ZNF26: variants seen among roughly 807,000 people sequenced by gnomAD.
ZNF26 encodes zinc finger protein 26.
Under a neutral mutation model 54.9 loss-of-function variants are expected in ZNF26, and 32 were observed. The ratio of observed to expected loss-of-function variants is 0.58; its 90% CI spans 0.44 to 0.78. The LOEUF (loss-of-function observed/expected upper bound fraction) is 0.78. Among genes scored for constraint, ZNF26 ranks in the 30% least tolerant of loss-of-function variants. ZNF26 has a pLI of 0.00. For missense variants in ZNF26, 524 were observed against 634.0 expected (o/e 0.83, Z 1.86); for synonymous variants, 221 against 209.2 (o/e 1.06, Z -0.49).
chr12:133,023,055 A>G lies in ZNF26; in HGVS notation c.*11574A>G, dbSNP rs1471559497. 1 of 152,228 alleles carries G rather than the reference A, an allele frequency of 6.6e-6. No homozygotes were observed. The highest frequency in any genetic ancestry group is 1.5e-5 in the Non-Finnish European group (1 of 68,036). 9.4% of individuals were successfully genotyped at this position (152,228 alleles called of 1,614,324 possible). ...TTTTAATTTTCTGTTTGGGTGAAAG[A>G]TTCAAGAGCATTCGTGAGAATGTAC... is the stretch of plus-strand genomic sequence containing the variant. On this transcript the variant is annotated 3_prime_UTR_variant, in exon 4 of 4. Coordinates refer to ENST00000328654, the MANE Select transcript of ZNF26 (RefSeq NM_019591.4).
chr12:133,019,671 C>T lies in ZNF26; in HGVS notation c.*8190C>T, dbSNP rs1953613246. ...AGAACAGTATGGAGGCTCCTCAAAG[C>T]AACTGAAAATAGAACTATTATACGA... On this transcript the variant is annotated 3_prime_UTR_variant, in exon 4 of 4. Transcript: ENST00000328654. The T allele has an allele frequency of 6.6e-6, 1 of 152,136 alleles. No homozygotes were observed. Among genetic ancestry groups the T allele is most frequent in the Non-Finnish European group, 1.5e-5 (1 of 68,056 alleles). The allele number at this position is 152,136 out of a possible 1,614,324, so 9.4% of individuals were successfully genotyped here.
chr12:132,997,257 C>A (rs1265281898), intron 1 of ZNF26, among the ~76,000 whole-genome samples: 2 of 152,110 alleles, frequency 1.3e-5, no homozygotes, highest in East Asian at 3.9e-4. Context: ...AGGGGTTAAT[C>A]AGAAGCTCAC....
At chr12:132,987,666 C>T in intron 1 of ZNF26, 2 of 983,592 alleles carry the variant, frequency 2.0e-6, no homozygotes, top group Non-Finnish European at 2.4e-6. Flanking sequence ...GTATTTCAGC[C>T]TGTAACTCAC....
At chr12:132,991,179 A>G (rs1173815549) in intron 1 of ZNF26, among the ~76,000 whole-genome samples, 1 of 151,252 alleles carries the variant, frequency 6.6e-6, no homozygotes, top group Non-Finnish European at 1.5e-5. Context: ...TTTTGAACAG[A>G]CTAGGTCAAC....
Position 133,010,704 on chromosome 12 carries a change from A to C in ZNF26, c.825A>C (p.Leu275Phe). 9 of 1,613,546 alleles carry C rather than the reference A, an allele frequency of 5.6e-6. No individual in the cohort carries two copies. The highest frequency in any genetic ancestry group is 1.7e-5 in the Admixed American group (1 of 59,990). The change falls in exon 4 of 4, where the codon TTA (leucine) becomes TTC (phenylalanine). Residue 275 changes from leucine (L) to phenylalanine (F), a missense_variant. Leu to Phe is a conservative substitution (Grantham distance 22). Coordinates refer to ENST00000328654, the MANE Select transcript of ZNF26 (RefSeq NM_019591.4). ...ACAGTTGGAAATCACAGCTTCTTTT[A>C]CACCAGAGAAGTCACACAGGAGTGA... ...KAYSWKSQLL[L>F]HQRSHTGVKP...
intron 1 of ZNF26, among the ~76,000 whole-genome samples, chr12:132,992,879 TC>T (rs1467577259): frequency 6.9e-6 from 1 of 145,926 alleles, no homozygotes; most frequent in Non-Finnish European, 1.5e-5. Flanking sequence ...TTTTTTTTTT[TC>T]CCCAGTGTTC....
rs982381860 is a variant in ZNF26, at chr12:133,001,258, C to T, written c.34-5784C>T. ...CACAGCCTTGTTTGTTATTGACTCTCAGTTACTTTCAGGTATGGGAAAGTT... is the reference window on the plus strand; with the variant it reads ...CACAGCCTTGTTTGTTATTGACTCTTAGTTACTTTCAGGTATGGGAAAGTT... On this transcript the variant is annotated intron_variant, in intron 1 of 3. Transcript: ENST00000328654. This position sits in a 1 kb window ranked among gnomAD's most constrained non-coding sequence, Gnocchi z 4.7. 4.2e-4 allele frequency among the ~76,000 whole-genome samples: 64 copies of T among 152,270 alleles called. No homozygotes were observed. The Middle Eastern group carries it at 0.01, about 24-fold the overall frequency.
chr12:133,009,560 C>G (rs949350296), intron 3 of ZNF26, among the ~76,000 whole-genome samples: 16 of 151,856 alleles, frequency 1.1e-4, no homozygotes, highest in Admixed American at 8.5e-4. Flanking sequence ...CCACTGCACT[C>G]CAGCCTGAGT....
Position 133,008,973 on chromosome 12 carries a change from C to T in ZNF26, c.257-1163C>T, listed in dbSNP as rs918673828. Among the ~76,000 whole-genome samples the T allele has an allele frequency of 3.3e-5, 5 of 151,880 alleles. No homozygotes were observed. The East Asian group carries it at 5.9e-4, about 18-fold the overall frequency. ...TGGTGAAAGCAGGAGTAAGGCGGGG[C>T]GGGGAATGTGCCACATACTATCAAA... On this transcript the variant is annotated intron_variant, in intron 3 of 3. Coordinates refer to ENST00000328654, the MANE Select transcript of ZNF26 (RefSeq NM_019591.4).
rs1268715018 is a variant in ZNF26 at position 133,007,443 on chromosome 12, A to G, written c.167A>G (p.His56Arg). 6.2e-7 allele frequency: 1 copy of G among 1,613,010 alleles called. No individual in the cohort carries two copies. The highest frequency in any genetic ancestry group is 8.5e-7 in the Non-Finnish European group (1 of 1,179,322). ...TGTGATTTCCCATCAACAGGGTATC[A>G]TGGTACCAAGCCTGACTTAATCTTC... ...NYHNLISVGY[H>R]GTKPDLIFKL... is the part of the protein sequence containing the mutation. The change falls in exon 3 of 4, where the codon CAT becomes CGT. Residue 56 changes from histidine to arginine, a missense_variant. Physicochemically the swap from His to Arg is conservative, Grantham distance 29 (BLOSUM62 0). Coordinates refer to ENST00000328654, the MANE Select transcript of ZNF26 (RefSeq NM_019591.4).
chr12:132,986,793 G>GC lies in ZNF26; in HGVS notation c.-45dup, dbSNP rs756987949. The GC allele has an allele frequency of 0.011, 17,426 of 1,572,200 alleles. 132 individuals carry two copies. The highest frequency in any genetic ancestry group is 0.013 in the Middle Eastern group (80 of 6,002). On this transcript the variant is annotated 5_prime_UTR_variant, in exon 1 of 4. Transcript: ENST00000328654. Reference sequence around the variant, plus strand: ...ACGCATCCCTCACGGTCTCTCCGCAGCCCGCGGGTCCTGCCCCCGCAGGCA... The same window carrying GC: ...ACGCATCCCTCACGGTCTCTCCGCAGCCCCGCGGGTCCTGCCCCCGCAGGCA...
intron 1 of ZNF26, among the ~76,000 whole-genome samples, chr12:133,002,743 C>T (rs1439537973): frequency 6.6e-6 from 1 of 152,034 alleles, no homozygotes; most frequent in African/African-American, 2.4e-5. Flanking sequence ...CCTGTCTCAG[C>T]CTCCTGAGTA....
chr12:133,009,691 C>T (rs1953426742), intron 3 of ZNF26, among the ~76,000 whole-genome samples: 1 of 152,042 alleles, frequency 6.6e-6, no homozygotes, highest in Admixed American at 6.6e-5. Flanking sequence ...TTTTAGCTTT[C>T]CTGGCCTTTT....
chr12:133,009,627 T>A (rs1053508755), intron 3 of ZNF26, among the ~76,000 whole-genome samples: 3 of 152,286 alleles, frequency 2.0e-5, no homozygotes, highest in Non-Finnish European at 4.4e-5. Context: ...TGAACAACTT[T>A]TTGCCATGGA....
At chr12:133,008,057 C>T (rs61195898) in intron 3 of ZNF26, among the ~76,000 whole-genome samples, 17,425 of 152,000 alleles carry the variant, frequency 0.11, 1,140 homozygotes, top group South Asian at 0.21. Context: ...CTCTCCTCTC[C>T]GAATGTTGTA....
chr12:133,007,736 G>A (rs911518723), intron 3 of ZNF26, among the ~76,000 whole-genome samples: 1 of 152,172 alleles, frequency 6.6e-6, no homozygotes, highest in African/African-American at 2.4e-5. Context: ...CCCCCTTACT[G>A]TTGAGAGGCA....
rs1944393886 is a variant in ZNF26, at chr12:133,019,707, C to G, written c.*8226C>G. On this transcript the variant is annotated 3_prime_UTR_variant, in exon 4 of 4. Transcript: ENST00000328654. ...AGAACTATTATACGATCCAGCAACC[C>G]CACTACTGGGTGAAAAGCCAAAAGA... is the stretch of plus-strand genomic sequence containing the variant. 6.6e-6 allele frequency: 1 copy of G among 152,272 alleles called. No homozygotes were observed. Among genetic ancestry groups the G allele is most frequent in the African/African-American group, 2.4e-5 (1 of 41,436 alleles). 9.4% of individuals were successfully genotyped at this position (152,272 alleles called of 1,614,324 possible).
In ZNF26 at chr12:133,026,934, A is replaced by G. The variant is rs1426488515; in HGVS notation, c.*15453A>G. On this transcript the variant is annotated 3_prime_UTR_variant, in exon 4 of 4. Transcript: ENST00000328654. ...AAATAGAGTGATATGAAACATAAAT[A>G]CCTATATAGGTTAAGAAAAATATTC... The G allele has an allele frequency of 6.6e-6, 1 of 152,170 alleles. No homozygotes were observed. The highest frequency in any genetic ancestry group is 1.5e-5 in the Non-Finnish European group (1 of 68,030). The allele number at this position is 152,170 out of a possible 1,614,324, so 9.4% of individuals were successfully genotyped here. A position where few individuals can be genotyped will look rare whatever the true frequency, so the allele number is the denominator to read the frequency against.
At chr12:132,997,323 A>G (rs1397640512) in intron 1 of ZNF26, among the ~76,000 whole-genome samples, 8 of 152,206 alleles carry the variant, frequency 5.3e-5, no homozygotes, top group Non-Finnish European at 1.0e-4. Flanking sequence ...AGAAGCCCAC[A>G]TGGTCGATGA....
Sources: gnomAD v4.1 joint callset for allele counts (sites outside exome capture counted in the v4.1 genomes callset) on GRCh38, gnomAD v4.1.1 for gene constraint, Gnocchi (gnomAD v3.1) non-coding constraint, MANE v1.5 for transcripts, NCBI Gene and HGNC (gene_info 2026-07-23, HGNC 2026-07-21) for gene names.